Variants in GABRR3 observed in about 807,000 individuals in gnomAD.
GABRR3 encodes gamma-aminobutyric acid receptor subunit rho-3.
GABRR3 carries 29 observed loss-of-function variants against 43.2 expected under a neutral mutation model. That is an observed-to-expected ratio of 0.67 (90% CI 0.50 to 0.92). The LOEUF is 0.92. Ranked by LOEUF, GABRR3 falls within the 40% of genes least tolerant of loss-of-function variation. The pLI, the probability that GABRR3 is intolerant of heterozygous loss-of-function variation, is 0.00. For synonymous variants in GABRR3, 206 were observed against 195.9 expected (o/e 1.05, Z -0.43); for missense variants, 576 against 572.3 (o/e 1.01, Z -0.07).
At chr3:98,025,509 A>C in intron 3 of GABRR3, 58 bp downstream of exon 3, 1 of 1,144,724 alleles carries the variant, frequency 8.7e-7, no homozygotes, top group African/African-American at 1.6e-5. Flanking sequence ...TTAAATTTTC[A>C]CCTCCATTTT....
At chr3:97,987,242 T>C (rs1457283197) in intron 9 of GABRR3, among the ~76,000 whole-genome samples, 1 of 152,226 alleles carries the variant, frequency 6.6e-6, no homozygotes, top group African/African-American at 2.4e-5. Flanking sequence ...GGAAAGACTT[T>C]AGCTGCTCCA....
At chr3:98,002,886 A>G (rs958776731) in intron 7 of GABRR3, among the ~76,000 whole-genome samples, 2 of 152,146 alleles carry the variant, frequency 1.3e-5, no homozygotes, top group African/African-American at 2.4e-5. Flanking sequence ...CGGCAAACCT[A>G]TTAGATGGAT....
At chr3:97,997,349 TAA>T (rs1706575023) in intron 8 of GABRR3, 1 of 152,144 alleles carries the variant, frequency 6.6e-6, no homozygotes, top group African/African-American at 2.4e-5. Context: ...TCAAAATCTC[TAA>T]AGTCTAAAAT....
rs192629343 is a variant in GABRR3, at chr3:98,021,116, C to T, written c.239-3394G>A. On this transcript the variant is annotated intron_variant, in intron 3 of 9. Coordinates refer to ENST00000621172, the Ensembl canonical transcript of GABRR3. ...CTGACCTCAAATGATCCGCCTGCTTCGGCCTCCCAAAGTGCTGGGATTACA... is the reference window on the plus strand; with the variant it reads ...CTGACCTCAAATGATCCGCCTGCTTTGGCCTCCCAAAGTGCTGGGATTACA... Among the ~76,000 whole-genome samples, 195 of 152,080 alleles carry T rather than the reference C, an allele frequency of 1.3e-3. 1 individual carries two copies. The highest frequency in any genetic ancestry group is 3.8e-3 in the African/African-American group (157 of 41,474).
chr3:98,024,005 C>T (rs1422931709), intron 3 of GABRR3, among the ~76,000 whole-genome samples: 1 of 152,182 alleles, frequency 6.6e-6, no homozygotes, highest in East Asian at 1.9e-4. Flanking sequence ...TTCAGAACCC[C>T]CAGGTGATCC....
chr3:98,026,476 T>C (rs1483340796), intron 2 of GABRR3, among the ~76,000 whole-genome samples: 3 of 152,170 alleles, frequency 2.0e-5, no homozygotes, highest in Admixed American at 6.5e-5. Flanking sequence ...CTGTGACACC[T>C]ACTTCTCAGT....
At chr3:98,025,594 C>A (rs761294963) in exon 3 of GABRR3, 1 of 1,610,856 alleles carries the variant, frequency 6.2e-7, no homozygotes, top group Non-Finnish European at 8.5e-7. Flanking sequence ...ATTGCGAAAT[C>A]GTTGTCCTCT....
chr3:98,029,065 A>T (rs1707056199), intron 2 of GABRR3, among the ~76,000 whole-genome samples: 1 of 152,158 alleles, frequency 6.6e-6, no homozygotes, highest in Non-Finnish European at 1.5e-5. Context: ...GCTACTGAGA[A>T]GAAGCTTTTG....
chr3:98,001,639 C>T (rs530681967), exon 8 of GABRR3: 1 of 1,613,144 alleles, frequency 6.2e-7, no homozygotes, highest in East Asian at 2.2e-5. Context: ...GCAGGAACAG[C>T]TCTTCGGTCA....
intron 4 of GABRR3, among the ~76,000 whole-genome samples, chr3:98,016,119 G>A (rs1576045840): frequency 2.6e-5 from 4 of 151,968 alleles, no homozygotes; most frequent in Admixed American, 2.0e-4. Context: ...AACAGCATGG[G>A]GGAAACTGCC....
chr3:98,026,562 G>A (rs1367080980), intron 2 of GABRR3, among the ~76,000 whole-genome samples: 2 of 147,988 alleles, frequency 1.4e-5, no homozygotes, highest in Admixed American at 6.8e-5. Context: ...GCCTTCAGCC[G>A]GAGACCTTGC....
At chr3:98,004,088 T>A (rs1341042804) in intron 7 of GABRR3, among the ~76,000 whole-genome samples, 1 of 152,096 alleles carries the variant, frequency 6.6e-6, no homozygotes, top group Non-Finnish European at 1.5e-5. Context: ...ACTGGGCCAG[T>A]ATTTGGGGAG....
chr3:98,025,533 GT>G, intron 3 of GABRR3, 33 bp downstream of exon 3: 1 of 1,447,688 alleles, frequency 6.9e-7, no homozygotes, highest in Non-Finnish European at 9.5e-7. Flanking sequence ...AGTGCAATGG[GT>G]TTTGAAATGA....
intron 8 of GABRR3, 28 bp downstream of exon 8, chr3:98,001,587 C>T: frequency 6.2e-7 from 1 of 1,611,164 alleles, no homozygotes; most frequent in Non-Finnish European, 8.5e-7. Flanking sequence ...CCCATGTTAA[C>T]ATTTTATAAA....
intron 3 of GABRR3, among the ~76,000 whole-genome samples, chr3:98,022,303 T>C (rs540548302): frequency 6.6e-6 from 1 of 152,234 alleles, no homozygotes; most frequent in South Asian, 2.1e-4. Flanking sequence ...ATTTATATCC[T>C]CCTGTTTCCA....
intron 7 of GABRR3, among the ~76,000 whole-genome samples, chr3:98,002,493 T>C (rs1706662766): frequency 6.6e-6 from 1 of 152,194 alleles, no homozygotes; most frequent in Non-Finnish European, 1.5e-5. Context: ...AGCCAAATTT[T>C]CAGACATCTA....
At chr3:98,002,398 G>A (rs966247076) in intron 7 of GABRR3, among the ~76,000 whole-genome samples, 6 of 152,054 alleles carry the variant, frequency 3.9e-5, no homozygotes, top group Admixed American at 1.3e-4. Flanking sequence ...TATTAACTGC[G>A]CTAATTAAAA....
intron 8 of GABRR3, among the ~76,000 whole-genome samples, chr3:97,993,955 A>T (rs1706504669): frequency 6.6e-6 from 1 of 152,242 alleles, no homozygotes; most frequent in African/African-American, 2.4e-5. Flanking sequence ...GAGGAGGGCC[A>T]TTCAATGTCT....
Position 98,007,777 on chromosome 3 carries a change from G to A in GABRR3, c.741C>T (p.Phe247=), listed in dbSNP as rs755813738. The change falls in exon 7 of 10, where the codon TTC becomes TTT. Residue 247 remains phenylalanine, a synonymous_variant. Coordinates refer to ENST00000621172, the Ensembl canonical transcript of GABRR3. ...AAAATGCTGTACCTGTGCTGCTATA[G>A]AAAGCTAATCCACTAGATGCACTGA... 12 of 1,613,496 alleles carry A rather than the reference G, an allele frequency of 7.4e-6. No individual in the cohort carries two copies. In the African/African-American group the frequency reaches 1.5e-4, roughly 20 times the overall value.
Sources: gnomAD v4.1 joint callset for allele counts (sites outside exome capture counted in the v4.1 genomes callset) on GRCh38, gnomAD v4.1.1 for gene constraint, MANE v1.5 for transcripts, NCBI Gene and HGNC (gene_info 2026-07-23, HGNC 2026-07-21) for gene names.